Variants in HMCN1 observed in about 807,000 individuals in gnomAD.
HMCN1 encodes hemicentin-1.
A neutral mutation model predicts 625.9 loss-of-function variants in HMCN1; 321 were observed. The observed-to-expected ratio is 0.51, with a 90% CI of 0.47 to 0.56. HMCN1 has a LOEUF of 0.56. Among genes scored for constraint, HMCN1 ranks in the 20% least tolerant of loss-of-function variants. The pLI, the probability that HMCN1 is intolerant of heterozygous loss-of-function variation, is 0.00. For synonymous variants in HMCN1, 2,425 were observed against 2,417.6 expected, an observed-to-expected ratio of 1.00 and a Z score of -0.09; for missense variants, 6,588 against 6,887.3, an observed-to-expected ratio of 0.96 and a Z score of 1.54.
chr1:185,864,742 A>G (rs941709415), intron 3 of HMCN1, 114 bp downstream of exon 3: 1 of 927,276 alleles, frequency 1.1e-6, no homozygotes, highest in East Asian at 2.6e-5. Context: ...CTATCTATCC[A>G]CATGTATGTT....
In HMCN1 at chr1:185,982,342, G is replaced by T. The variant is rs1289123155; in HGVS notation, c.2743G>T (p.Ala915Ser). 6.2e-7 allele frequency: 1 copy of T among 1,613,602 alleles called. No homozygotes were observed. Among genetic ancestry groups the T allele is most frequent in the East Asian group, 2.2e-5 (1 of 44,866 alleles). ...GCTTACTTTGCCCTGTACTCTGTTA[G>T]CTGGAAATCCCATTCCAGAACGTCG... ...QQLTLPCTLL[A>S]GNPIPERRWI... Residue 915 changes from alanine to serine, a missense_variant, in exon 18 of 107, where the codon GCT becomes TCT. This residue lies in a region of HMCN1 where 4,628 missense variants were observed against 4,853.1 expected (regional missense o/e 0.95). Coordinates refer to ENST00000271588, the MANE Select transcript of HMCN1 (RefSeq NM_031935.3).
intron 1 of HMCN1, among the ~76,000 whole-genome samples, chr1:185,777,674 T>A (rs924763079): frequency 1.3e-5 from 2 of 152,122 alleles, no homozygotes; most frequent in Non-Finnish European, 2.9e-5. Context: ...ATGGTCTCGA[T>A]CTCTCGACCT....
chr1:186,159,256 T>C (rs1444594519), intron 97 of HMCN1, among the ~76,000 whole-genome samples: 1 of 152,246 alleles, frequency 6.6e-6, no homozygotes, highest in African/African-American at 2.4e-5. Flanking sequence ...TTGTGATTTT[T>C]GTACATTGAT....
intron 4 of HMCN1, among the ~76,000 whole-genome samples, chr1:185,903,670 G>A (rs1033910373): frequency 6.6e-6 from 1 of 151,590 alleles, no homozygotes. Flanking sequence ...AGTCTCAAGT[G>A]GTGATATTTC....
chr1:185,937,759 T>G (rs894707200), intron 11 of HMCN1, among the ~76,000 whole-genome samples: 3 of 151,936 alleles, frequency 2.0e-5, no homozygotes, highest in Admixed American at 2.0e-4. Context: ...CACACATCTG[T>G]AGTCCCAGCT....
At chr1:186,123,390 G>A (rs1661491104) in intron 81 of HMCN1, among the ~76,000 whole-genome samples, 170 bp downstream of exon 81, 1 of 152,140 alleles carries the variant, frequency 6.6e-6, no homozygotes, top group Admixed American at 6.6e-5. Flanking sequence ...TGTAGGCTGT[G>A]TTTCTGTGTG....
chr1:186,182,206 G>T lies in HMCN1; in HGVS notation c.16333G>T (p.Glu5445Ter). 6.2e-7 allele frequency: 1 copy of T among 1,613,388 alleles called. No individual in the cohort carries two copies. The highest frequency in any genetic ancestry group is 1.1e-5 in the South Asian group (1 of 91,060). Residue 5445 changes from glutamate to a stop codon, truncating the protein, a stop_gained, in exon 105 of 107, where the codon GAG becomes TAG. Coordinates refer to ENST00000271588, the MANE Select transcript of HMCN1 (RefSeq NM_031935.3). LOFTEE classifies it high-confidence loss of function. Reference protein sequence around the residue: ...ECENTDACQHECKNTFGSYQC... With the variant: ...ECENTDACQH ...TGAAAATACAGATGCCTGCCAGCAT[G>T]AGTGTAAGAATACCTTTGGAAGTTA...
intron 36 of HMCN1, among the ~76,000 whole-genome samples, chr1:186,024,255 A>T (rs1296368411): frequency 6.6e-6 from 1 of 152,182 alleles, no homozygotes; most frequent in Non-Finnish European, 1.5e-5. Context: ...GTTAGGGGAC[A>T]GGCTGACCCT....
rs780290240 is a variant in HMCN1, at chr1:185,925,155, G to T, written c.1394G>T (p.Arg465Ile). The T allele has an allele frequency of 1.2e-6, 2 of 1,614,004 alleles. No individual in the cohort carries two copies. Among genetic ancestry groups the T allele is most frequent in the Non-Finnish European group, 1.7e-6 (2 of 1,179,902 alleles). The change falls in exon 9 of 107, where the codon AGA (arginine) becomes ATA (isoleucine). Residue 465 changes from arginine (R) to isoleucine (I), a missense_variant. Around this residue, in one of 3 missense-constraint regions of HMCN1, gnomAD observed 4,628 missense variants for 4,853.1 expected, o/e 0.95. Transcript: ENST00000271588. ...TTGCCCTTTACCTTGAGCTTTGTCA[G>T]AAATGGAGTTACACTTGGAGTAGAC... Reference protein sequence around the residue: ...SLLPFTLSFVRNGVTLGVDQY... With the variant: ...SLLPFTLSFVINGVTLGVDQY...
intron 97 of HMCN1, among the ~76,000 whole-genome samples, chr1:186,162,252 T>A (rs1375643203): frequency 6.6e-6 from 1 of 152,344 alleles, no homozygotes; most frequent in African/African-American, 2.4e-5. Context: ...TTCTCGAGCC[T>A]TGGCTTTCAG....
chr1:185,975,038 G>A (rs1027241497), intron 15 of HMCN1, among the ~76,000 whole-genome samples: 1 of 152,114 alleles, frequency 6.6e-6, no homozygotes, highest in Admixed American at 6.6e-5. Flanking sequence ...CCAGGCTTCT[G>A]CATATCTTTG....
At chr1:186,164,159 A>C (rs1034654605) in intron 97 of HMCN1, among the ~76,000 whole-genome samples, 9 of 152,066 alleles carry the variant, frequency 5.9e-5, no homozygotes, top group African/African-American at 1.9e-4. Flanking sequence ...ATGAGCAGGC[A>C]GACTTGGATG....
Position 185,993,120 on chromosome 1 carries a change from C to T in HMCN1, c.3378-62C>T. Reference sequence around the variant, plus strand: ...GTAGTAATTTCATACTGAAGTGTAGCTGCATAGGGGATATTTAAATTCTCC... The same window carrying T: ...GTAGTAATTTCATACTGAAGTGTAGTTGCATAGGGGATATTTAAATTCTCC... On this transcript the variant is annotated intron_variant, in intron 22 of 106. Coordinates refer to ENST00000271588, the MANE Select transcript of HMCN1 (RefSeq NM_031935.3). 2.8e-5 allele frequency: 42 copies of T among 1,500,576 alleles called. 1 individual carries two copies. The South Asian group carries it at 4.7e-4, about 17-fold the overall frequency. 93.0% of individuals were successfully genotyped at this position (1,500,576 alleles called of 1,614,324 possible). A position where few individuals can be genotyped will look rare whatever the true frequency, so the allele number is the denominator to read the frequency against.
At position 186,018,350 on chromosome 1, in the gene HMCN1, A is replaced by G. The variant is rs1167289657; in HGVS notation, c.5468A>G (p.His1823Arg). Residue 1823 changes from histidine to arginine, a missense_variant and splice_region_variant, in exon 34 of 107, where the codon CAT becomes CGT. This residue lies in a region of HMCN1 where 4,628 missense variants were observed against 4,853.1 expected (regional missense o/e 0.95). Transcript: ENST00000271588. Reference sequence around the variant, plus strand: ...AAGAAGGAATTTGAAGTGACTGTTCATGGTATGCTGAAGAAGGGACAGGAA... The same window carrying G: ...AAGAAGGAATTTGAAGTGACTGTTCGTGGTATGCTGAAGAAGGGACAGGAA... Reference protein sequence around the residue: ...DHKKEFEVTVHVPPTIKSSGL... With the variant: ...DHKKEFEVTVRVPPTIKSSGL... The G allele has an allele frequency of 3.1e-6, 5 of 1,612,258 alleles. No homozygotes were observed. In the African/African-American group the frequency reaches 5.3e-5, roughly 17 times the overall value.
chr1:185,876,320 G>A (rs534639115), intron 4 of HMCN1, among the ~76,000 whole-genome samples: 29 of 152,008 alleles, frequency 1.9e-4, no homozygotes, highest in Non-Finnish European at 3.7e-4. Context: ...ATCCATTGAT[G>A]AACGCTTTGG....
chr1:186,015,908 T>C lies in HMCN1; in HGVS notation c.4910-50T>C, dbSNP rs762223345. ...TCTTCTTTATTTCATTAGAATGTAT[T>C]TTGTGACCACACAAATAATTGCCTG... On this transcript the variant is annotated intron_variant, in intron 31 of 106. Coordinates refer to ENST00000271588, the MANE Select transcript of HMCN1 (RefSeq NM_031935.3). The C allele has an allele frequency of 5.9e-6, 9 of 1,522,164 alleles. No homozygotes were observed. The South Asian group carries it at 9.0e-5, about 15-fold the overall frequency. 94.3% of individuals were successfully genotyped at this position (1,522,164 alleles called of 1,614,324 possible).
chr1:186,063,169 A>G (rs1259622176), intron 48 of HMCN1, among the ~76,000 whole-genome samples: 1 of 143,696 alleles, frequency 7.0e-6, no homozygotes, highest in Admixed American at 7.2e-5. Flanking sequence ...TGCTATTGTG[A>G]ATAGTGCTCT....
intron 2 of HMCN1, among the ~76,000 whole-genome samples, chr1:185,863,794 CAG>C (rs1663015218): frequency 6.6e-6 from 1 of 152,148 alleles, no homozygotes; most frequent in Non-Finnish European, 1.5e-5. Flanking sequence ...AAAAATGAAA[CAG>C]AGTCAGAGTG....
intron 10 of HMCN1, among the ~76,000 whole-genome samples, chr1:185,931,820 G>A (rs1667567691): frequency 6.6e-6 from 1 of 152,166 alleles, no homozygotes; most frequent in Non-Finnish European, 1.5e-5. Context: ...AGGGATCTGA[G>A]AGCTAGAAGG....
Sources: allele counts gnomAD v4.1 joint callset (sites outside exome capture counted in the v4.1 genomes callset), GRCh38; gene constraint gnomAD v4.1.1; regional missense constraint gnomAD v4.1.1; transcripts MANE v1.5; gene names NCBI Gene and HGNC (gene_info 2026-07-23, HGNC 2026-07-21).